The following ARHGAP15 variants were observed in gnomAD, a reference collection of about 807,000 sequenced individuals.
ARHGAP15 encodes the protein rho GTPase-activating protein 15.
A neutral mutation model predicts 63.7 loss-of-function variants in ARHGAP15; 51 were observed. That is an observed-to-expected ratio of 0.80 (90% confidence interval 0.64 to 1.01). The LOEUF (loss-of-function observed/expected upper bound fraction) is 1.01. Ranked by LOEUF, ARHGAP15 falls within the 50% of genes least tolerant of loss-of-function variation. The pLI is 0.00. For synonymous variants in ARHGAP15, 191 were observed against 193.8 expected, an observed-to-expected ratio of 0.99 and a Z score of 0.12; for missense variants, 560 against 564.6, an observed-to-expected ratio of 0.99 and a Z score of 0.08.
chr2:143,237,283 G>A (rs1365171098), intron 5 of ARHGAP15: 1 of 152,150 alleles, frequency 6.6e-6, no homozygotes, highest in African/African-American at 2.4e-5. Flanking sequence ...GCAAATAGAT[G>A]TGAGCAATAA....
intron 11 of ARHGAP15, among the ~76,000 whole-genome samples, chr2:143,617,042 C>G (rs926060662): frequency 1.3e-5 from 2 of 152,184 alleles, no homozygotes; most frequent in African/African-American, 4.8e-5. Context: ...TATTCTTTCT[C>G]TGGAGACCAC....
intron 6 of ARHGAP15, among the ~76,000 whole-genome samples, chr2:143,432,660 A>C (rs866222340): frequency 2.6e-5 from 4 of 152,058 alleles, no homozygotes; most frequent in African/African-American, 7.2e-5. Flanking sequence ...CCTGGGCATA[A>C]ATTTCTTACC....
chr2:143,250,293 GTTAA>G (rs780006213), intron 5 of ARHGAP15, among the ~76,000 whole-genome samples: 8 of 151,826 alleles, frequency 5.3e-5, no homozygotes, highest in South Asian at 2.1e-4. Flanking sequence ...ATGGTTTATA[GTTAA>G]TTAAATAATT....
intron 9 of ARHGAP15, among the ~76,000 whole-genome samples, chr2:143,511,339 CT>C (rs545045514): frequency 2.1e-3 from 326 of 152,284 alleles, no homozygotes; most frequent in Non-Finnish European, 4.0e-3. Context: ...CCTGCCACCC[CT>C]GATCATTAAG....
At chr2:143,523,472 A>G (rs1159010192) in intron 10 of ARHGAP15, among the ~76,000 whole-genome samples, 1 of 152,154 alleles carries the variant, frequency 6.6e-6, no homozygotes, top group Non-Finnish European at 1.5e-5. Context: ...CATTGTGACT[A>G]TGTGATATAG....
chr2:143,733,405 G>A lies in ARHGAP15; in HGVS notation c.1244+29881G>A, dbSNP rs569894392. Among the ~76,000 whole-genome samples the A allele has an allele frequency of 2.0e-5, 3 of 152,270 alleles. No homozygotes were observed. In the East Asian group the frequency reaches 5.8e-4, roughly 29 times the overall value. On this transcript the variant is annotated intron_variant, in intron 13 of 13. Transcript: ENST00000295095. The stretch of plus-strand genomic sequence containing the variant: ...TTTTCCAGATGCATATGTAGCATTT[G>A]TACTTCATCTGAGCCCATTTTGGAG...
At chr2:143,163,160 T>C (rs1477297855) in intron 2 of ARHGAP15, among the ~76,000 whole-genome samples, 1 of 151,954 alleles carries the variant, frequency 6.6e-6, no homozygotes, top group Non-Finnish European at 1.5e-5. Context: ...CTTTAAAATC[T>C]TGGCAAGTGA....
At chr2:143,242,551 C>G (rs1196325783) in intron 5 of ARHGAP15, among the ~76,000 whole-genome samples, 1 of 152,114 alleles carries the variant, frequency 6.6e-6, no homozygotes, top group African/African-American at 2.4e-5. Flanking sequence ...TCCTCAAAAA[C>G]AAACAAAAAG....
At chr2:143,235,406 G>A (rs541402409) in intron 5 of ARHGAP15, among the ~76,000 whole-genome samples, 1 of 152,182 alleles carries the variant, frequency 6.6e-6, no homozygotes, top group South Asian at 2.1e-4. Flanking sequence ...ACTGAGAATG[G>A]ACAGAGCCTG....
At chr2:143,338,474 T>C (rs1684908796) in intron 6 of ARHGAP15, among the ~76,000 whole-genome samples, 1 of 152,160 alleles carries the variant, frequency 6.6e-6, no homozygotes, top group Non-Finnish European at 1.5e-5. Flanking sequence ...GACATTAAAA[T>C]ACAATGTGTG....
chr2:143,145,488 A>G (rs1450136925), intron 1 of ARHGAP15, among the ~76,000 whole-genome samples: 1 of 152,036 alleles, frequency 6.6e-6, no homozygotes, highest in East Asian at 1.9e-4. Flanking sequence ...ACCTGAACAA[A>G]TAGCCGGAAT....
chr2:143,585,383 CATAA>C (rs1165925790), intron 11 of ARHGAP15, among the ~76,000 whole-genome samples: 5 of 151,970 alleles, frequency 3.3e-5, no homozygotes, highest in African/African-American at 7.2e-5. Flanking sequence ...CTAGTCATTT[CATAA>C]ATAAACACAT....
chr2:143,660,685 G>C (rs536718647), intron 12 of ARHGAP15, among the ~76,000 whole-genome samples: 26 of 152,288 alleles, frequency 1.7e-4, no homozygotes, highest in African/African-American at 6.0e-4. Context: ...AAATTGAAAA[G>C]TAAGGGCTAT....
chr2:143,398,827 C>T (rs1687879462), intron 6 of ARHGAP15, among the ~76,000 whole-genome samples: 2 of 151,520 alleles, frequency 1.3e-5, no homozygotes, highest in South Asian at 4.2e-4. Context: ...GATTTTTGAC[C>T]TGGCTAGACA....
chr2:143,153,840 T>TCTTCC, intron 1 of ARHGAP15, among the ~76,000 whole-genome samples: 2 of 78,414 alleles, frequency 2.6e-5, no homozygotes, highest in South Asian at 1.1e-3. Context: ...CTTCTTCTTC[T>TCTTCC]TCTTCCTCCT....
At chr2:143,316,843 T>A (rs895092092) in intron 6 of ARHGAP15, among the ~76,000 whole-genome samples, 4 of 152,160 alleles carry the variant, frequency 2.6e-5, no homozygotes, top group Non-Finnish European at 5.9e-5. Context: ...AGTCCCTGCT[T>A]CTATATTCAC....
At chr2:143,473,399 A>G (rs1691669181) in intron 8 of ARHGAP15, among the ~76,000 whole-genome samples, 1 of 152,200 alleles carries the variant, frequency 6.6e-6, no homozygotes, top group Non-Finnish European at 1.5e-5. Flanking sequence ...GACTAAGTGA[A>G]GGAAATATTT....
At chr2:143,638,636 AAACTTAAAGTAT>A (rs1474425352) in intron 12 of ARHGAP15, among the ~76,000 whole-genome samples, 1 of 148,694 alleles carries the variant, frequency 6.7e-6, no homozygotes, top group African/African-American at 2.4e-5. Context: ...ATGTACCCTA[AAACTTAAAGTAT>A]AATAATAAAA....
chr2:143,169,483 AC>A (rs1354170380), intron 2 of ARHGAP15, among the ~76,000 whole-genome samples: 1 of 152,060 alleles, frequency 6.6e-6, no homozygotes, highest in African/African-American at 2.4e-5. Flanking sequence ...TTTCAGTATA[AC>A]TTTTCCGAGT....
Sources: gnomAD v4.1 joint callset for allele counts (sites outside exome capture counted in the v4.1 genomes callset) on GRCh38, gnomAD v4.1.1 for gene constraint, MANE v1.5 for transcripts, NCBI Gene and HGNC (gene_info 2026-07-23, HGNC 2026-07-21) for gene names.